SNX22: variants seen among roughly 807,000 people sequenced by gnomAD.
SNX22 encodes the protein sorting nexin-22.
Under a neutral mutation model 24.7 loss-of-function variants are expected in SNX22, and 23 were observed. That is an observed-to-expected ratio of 0.93 (90% CI 0.67 to 1.32). The LOEUF is 1.32. SNX22 is among the 40% of genes most tolerant of loss of function. The pLI is 0.00. For missense variants in SNX22, 261 were observed against 249.9 expected (o/e 1.04, Z -0.30); for synonymous variants, 99 against 104.0 (o/e 0.95, Z 0.29).
chr15:64,153,435 G>C lies in SNX22; in HGVS notation c.359+96G>C, dbSNP rs1480118997. 7 of 1,575,890 alleles carry C rather than the reference G, an allele frequency of 4.4e-6. No individual in the cohort carries two copies. The East Asian group carries it at 1.6e-4, about 37-fold the overall frequency. ...AGCCCTTTCTTTTCACATCTGCCAG[G>C]ATCCAGCATGACCGCCCTCACCAGC... On this transcript the variant is annotated intron_variant, in intron 4 of 6. Transcript: ENST00000325881.
chr15:64,153,801 T>G, intron 5 of SNX22, 117 bp downstream of exon 5: 2 of 1,594,082 alleles, frequency 1.3e-6, no homozygotes, highest in Admixed American at 3.4e-5. Flanking sequence ...GTTTTCCCTT[T>G]GGTGCCTCCT....
At chr15:64,153,409 A>G in intron 4 of SNX22, 70 bp downstream of exon 4, 1 of 1,600,858 alleles carries the variant, frequency 6.2e-7, no homozygotes, top group African/African-American at 1.3e-5. Flanking sequence ...GTTGGAGGGC[A>G]AGCCCTTTCT....
In SNX22 at chr15:64,156,782, G is replaced by T; in HGVS notation, c.*2274G>T. ...GCTTGCCATCTAGCCAGGCTGTCTT[G>T]ACTGTCGTGATGAAGAACTGGGAGC... On this transcript the variant is annotated 3_prime_UTR_variant, in exon 7 of 7. Transcript: ENST00000325881. This position sits in a 1 kb window ranked among gnomAD's most constrained non-coding sequence, Gnocchi z 6.4. 3 of 1,614,210 alleles carry T rather than the reference G, an allele frequency of 1.9e-6. No homozygotes were observed. Among genetic ancestry groups the T allele is most frequent in the South Asian group, 1.1e-5 (1 of 91,084 alleles).
chr15:64,153,847 C>G, intron 5 of SNX22, 88 bp from the exon 6 acceptor site: 1 of 1,590,188 alleles, frequency 6.3e-7, no homozygotes, highest in Non-Finnish European at 8.6e-7. Flanking sequence ...CTTCATGGGT[C>G]CCTGGTGATG....
Position 64,157,055 on chromosome 15 carries a change from C to T in SNX22, c.*2547C>T. 2.3e-6 allele frequency: 2 copies of T among 881,278 alleles called. No homozygotes were observed. Among genetic ancestry groups the T allele is most frequent in the South Asian group, 1.7e-5 (1 of 57,798 alleles). 54.6% of individuals were successfully genotyped at this position (881,278 alleles called of 1,614,324 possible). On this transcript the variant is annotated 3_prime_UTR_variant, in exon 7 of 7. Coordinates refer to ENST00000325881, the MANE Select transcript of SNX22 (RefSeq NM_024798.3). This position sits in a 1 kb window ranked among gnomAD's most constrained non-coding sequence, Gnocchi z 4.2. The stretch of plus-strand genomic sequence containing the variant: ...CAAGGACATAAAAGCAGCGTCCTTC[C>T]TATCTTCTGGCCTCAGAGCCAAGCC...
rs1429243560 is a variant in SNX22 at position 64,155,379 on chromosome 15, TAA to T, written c.*873_*874del. The T allele has an allele frequency of 6.6e-6, 1 of 152,150 alleles. No homozygotes were observed. Among genetic ancestry groups the T allele is most frequent in the Non-Finnish European group, 1.5e-5 (1 of 68,444 alleles). 9.4% of individuals were successfully genotyped at this position (152,150 alleles called of 1,614,324 possible). A position where few individuals can be genotyped will look rare whatever the true frequency, so the allele number is the denominator to read the frequency against. Reference sequence around the variant, plus strand: ...ACTCCGTCTCAAAATAAATAAATAATAAAGGAAGAAGTCAGCTGGGTGCAGAG... The same window carrying T: ...ACTCCGTCTCAAAATAAATAAATAATAGGAAGAAGTCAGCTGGGTGCAGAG... On this transcript the variant is annotated 3_prime_UTR_variant, in exon 7 of 7. Transcript: ENST00000325881.
rs1227976362 is a variant in SNX22, at chr15:64,151,758, G to C, written c.-18G>C. 1.3e-6 allele frequency: 2 copies of C among 1,531,116 alleles called. No individual in the cohort carries two copies. The highest frequency in any genetic ancestry group is 1.9e-4 in the Middle Eastern group (1 of 5,346). The allele number at this position is 1,531,116 out of a possible 1,614,324, so 94.8% of individuals were successfully genotyped here. Reference sequence around the variant, plus strand: ...GGCTCCGAGCCGAGCGCGCGGAGCAGCTGGGGCCGGGGCGCGGATGCTGGA... The same window carrying C: ...GGCTCCGAGCCGAGCGCGCGGAGCACCTGGGGCCGGGGCGCGGATGCTGGA... On this transcript the variant is annotated 5_prime_UTR_variant, in exon 1 of 7. Coordinates refer to ENST00000325881, the MANE Select transcript of SNX22 (RefSeq NM_024798.3).
intron 3 of SNX22, 194 bp from the exon 4 acceptor site, chr15:64,153,051 G>A (rs950897092): frequency 2.2e-5 from 15 of 679,220 alleles, no homozygotes; most frequent in African/African-American, 1.4e-4. Context: ...CAACAGCAAA[G>A]CTATGCCGCG....
At chr15:64,153,542 T>C in intron 4 of SNX22, 110 bp from the exon 5 acceptor site, 7 of 1,531,176 alleles carry the variant, frequency 4.6e-6, no homozygotes, top group South Asian at 1.1e-5. Flanking sequence ...TTGTTACAAA[T>C]AGAAGCAGTG....
intron 1 of SNX22, 143 bp from the exon 2 acceptor site, chr15:64,152,100 G>C: frequency 1.1e-6 from 1 of 877,728 alleles, no homozygotes; most frequent in Non-Finnish European, 1.6e-6. Context: ...GTGCGGGAGC[G>C]GAGAGTCCCC....
rs759753798 is a variant in SNX22, at chr15:64,156,034, C to A, written c.*1526C>A. On this transcript the variant is annotated 3_prime_UTR_variant, in exon 7 of 7. Transcript: ENST00000325881. The surrounding 1 kb of genome is among the most constrained non-coding windows in gnomAD (Gnocchi z 6.4). The stretch of plus-strand genomic sequence containing the variant: ...GATGTCCCTGTGCCCTACTCCTTGG[C>A]GATGGCAAAGGGCTTCTCCACCTCG... 1.9e-6 allele frequency: 3 copies of A among 1,614,164 alleles called. No homozygotes were observed. The highest frequency in any genetic ancestry group is 2.2e-5 in the South Asian group (2 of 91,084).
At position 64,154,398 on chromosome 15, in the gene SNX22, A is replaced by G. The variant is rs2081511354; in HGVS notation, c.472A>G (p.Asn158Asp). The change falls in exon 7 of 7, where the codon AAC (asparagine) becomes GAC (aspartate). Residue 158 changes from asparagine to aspartate, a missense_variant. Transcript: ENST00000325881. ...VCNPSPESLP[N>D]VVVNGVLQGL... ...ATTCTATCCCACAGAGTCGCTGCCC[A>G]ACGTGGTGGTGAATGGTGTGCTCCA... 1 of 1,614,150 alleles carries G rather than the reference A, an allele frequency of 6.2e-7. No homozygotes were observed. Among genetic ancestry groups the G allele is most frequent in the East Asian group, 2.2e-5 (1 of 44,876 alleles).
Position 64,156,980 on chromosome 15 carries a change from C to T in SNX22, c.*2472C>T, listed in dbSNP as rs1219065184. ...ACCAAGCAGACATTCGGGGCCAGGA[C>T]TGAGGGGGCTTAACCTGTCCTCTGT... is the stretch of plus-strand genomic sequence containing the variant. On this transcript the variant is annotated 3_prime_UTR_variant, in exon 7 of 7. Transcript: ENST00000325881. The surrounding 1 kb of genome is among the most constrained non-coding windows in gnomAD (Gnocchi z 6.4). The T allele has an allele frequency of 1.0e-5, 15 of 1,506,598 alleles. No homozygotes were observed. The highest frequency in any genetic ancestry group is 1.3e-5 in the Non-Finnish European group (14 of 1,092,100). The allele number at this position is 1,506,598 out of a possible 1,614,324, so 93.3% of individuals were successfully genotyped here. A position where few individuals can be genotyped will look rare whatever the true frequency, so the allele number is the denominator to read the frequency against.
chr15:64,153,817 C>T, intron 5 of SNX22, 118 bp from the exon 6 acceptor site: 1 of 1,591,014 alleles, frequency 6.3e-7, no homozygotes, highest in East Asian at 2.2e-5. Flanking sequence ...CTCCTGAGCC[C>T]ATTTCCCACT....
chr15:64,152,747 G>C lies in SNX22; in HGVS notation c.264+5G>C, dbSNP rs766644882. ...GGCTTGGAGGCTTACATCCAGGTAT[G>C]CGAGAGCACAGTTGGTTGCCCCCCG... On this transcript the variant is annotated splice_donor_5th_base_variant and intron_variant, in intron 3 of 6. Transcript: ENST00000325881. 6.2e-7 allele frequency: 1 copy of C among 1,613,704 alleles called. No individual in the cohort carries two copies. Among genetic ancestry groups the C allele is most frequent in the Non-Finnish European group, 8.5e-7 (1 of 1,179,642 alleles).
chr15:64,151,783 A>G lies in SNX22; in HGVS notation c.8A>G (p.Glu3Gly), dbSNP rs1596022481. The change falls in exon 1 of 7, where the codon GAA (glutamate) becomes GGA (glycine). Residue 3 changes from glutamate (E) to glycine (G), a missense_variant. Glu to Gly is a moderately conservative substitution (Grantham distance 98). Transcript: ENST00000325881. ML[E>G]VHIPSVGPEA... ...GCTGGGGCCGGGGCGCGGATGCTGG[A>G]AGTTCACATCCCGTCGGTGGGGCCC... The G allele has an allele frequency of 3.3e-6, 5 of 1,535,702 alleles. No individual in the cohort carries two copies. Among genetic ancestry groups the G allele is most frequent in the African/African-American group, 1.4e-5 (1 of 71,112 alleles).
In SNX22 at chr15:64,152,971, G is replaced by C. The variant is rs12441671; in HGVS notation, c.264+229G>C. The C allele has an allele frequency of 5.2e-4, 314 of 607,954 alleles. 1 individual carries two copies. Among genetic ancestry groups the C allele is most frequent in the African/African-American group, 5.1e-3 (277 of 54,090 alleles). The allele number at this position is 607,954 out of a possible 1,614,324, so 37.7% of individuals were successfully genotyped here. A position where few individuals can be genotyped will look rare whatever the true frequency, so the allele number is the denominator to read the frequency against. On this transcript the variant is annotated intron_variant, in intron 3 of 6. Transcript: ENST00000325881. ...GGTAGTCCCAGCTCCATGAAACCCA[G>C]GTCCTGTCCCCTCCATGGTGAGGTC...
In SNX22 at chr15:64,157,355, G is replaced by C; in HGVS notation, c.*2847G>C. 5.2e-6 allele frequency: 1 copy of C among 193,102 alleles called. No individual in the cohort carries two copies. Among genetic ancestry groups the C allele is most frequent in the Non-Finnish European group, 1.1e-5 (1 of 92,144 alleles). The allele number at this position is 193,102 out of a possible 1,614,324, so 12.0% of individuals were successfully genotyped here. A position where few individuals can be genotyped will look rare whatever the true frequency, so the allele number is the denominator to read the frequency against. On this transcript the variant is annotated 3_prime_UTR_variant, in exon 7 of 7. Transcript: ENST00000325881. The surrounding 1 kb of genome is among the most constrained non-coding windows in gnomAD (Gnocchi z 4.2). Reference sequence around the variant, plus strand: ...TATGAGCACAAAAGACACAGGCATAGCTGCAGAGGAGAAAGCAGCCAGAGA... The same window carrying C: ...TATGAGCACAAAAGACACAGGCATACCTGCAGAGGAGAAAGCAGCCAGAGA...
chr15:64,152,214 G>C (rs780369055), intron 1 of SNX22, 29 bp from the exon 2 acceptor site: 7 of 1,384,842 alleles, frequency 5.1e-6, no homozygotes, highest in Non-Finnish European at 6.5e-6. Context: ...GGCCTCACGC[G>C]CAGACCCGCT....
Sources: gnomAD v4.1 joint callset for allele counts on GRCh38, gnomAD v4.1.1 for gene constraint, Gnocchi (gnomAD v3.1) non-coding constraint, MANE v1.5 for transcripts, NCBI Gene and HGNC (gene_info 2026-07-23, HGNC 2026-07-21) for gene names.